Variants in DCDC2 observed in about 807,000 individuals in gnomAD.
DCDC2 encodes the protein doublecortin domain-containing protein 2.
DCDC2 carries 40 observed loss-of-function variants against 50.2 expected under a neutral mutation model. The observed-to-expected ratio is 0.80, with a 90% CI of 0.62 to 1.04. The LOEUF (loss-of-function observed/expected upper bound fraction) is 1.04, where lower values mean the gene tolerates loss of function less well. Ranked by LOEUF, DCDC2 falls within the 50% of genes least tolerant of loss-of-function variation. The pLI, the probability that DCDC2 is intolerant of heterozygous loss-of-function variation, is 0.00. For missense variants in DCDC2, 570 were observed against 581.9 expected, an observed-to-expected ratio of 0.98 and a Z score of 0.21; for synonymous variants, 234 against 210.6, an observed-to-expected ratio of 1.11 and a Z score of -0.96.
In DCDC2 at chr6:24,174,631, A is replaced by G; in HGVS notation, c.*99T>C. On this transcript the variant is annotated 3_prime_UTR_variant, in exon 10 of 10. Coordinates refer to ENST00000378454, the MANE Select transcript of DCDC2 (RefSeq NM_016356.5). Reference sequence around the variant, plus strand: ...TAATTCGTAGGTAGTATTCGACCATAGTGTCACATTATATTCAGCAATAAC... The same window carrying G: ...TAATTCGTAGGTAGTATTCGACCATGGTGTCACATTATATTCAGCAATAAC... 3.9e-6 allele frequency: 3 copies of G among 767,840 alleles called. No homozygotes were observed. The highest frequency in any genetic ancestry group is 4.3e-6 in the Non-Finnish European group (2 of 468,350). 47.6% of individuals were successfully genotyped at this position (767,840 alleles called of 1,614,324 possible). A position where few individuals can be genotyped will look rare whatever the true frequency, so the allele number is the denominator to read the frequency against.
At position 24,173,021 on chromosome 6, in the gene DCDC2, A is replaced by ATAATAATAATAATAATAC. The variant is rs59837095; in HGVS notation, c.*1708_*1709insGTATTATTATTATTATTA. Reference sequence around the variant, plus strand: ...AATAATAATAATAATAATAATAATAAAGATCAATTGGTCTATTTGCCTACC... The same window carrying ATAATAATAATAATAATAC: ...AATAATAATAATAATAATAATAATAATAATAATAATAATAATACAGATCAATTGGTCTATTTGCCTACC... On this transcript the variant is annotated 3_prime_UTR_variant, in exon 10 of 10. Coordinates refer to ENST00000378454, the MANE Select transcript of DCDC2 (RefSeq NM_016356.5). 37 of 150,556 alleles carry ATAATAATAATAATAATAC rather than the reference A, an allele frequency of 2.5e-4. No individual in the cohort carries two copies. The highest frequency in any genetic ancestry group is 4.3e-4 in the Non-Finnish European group (29 of 67,678). 9.3% of individuals were successfully genotyped at this position (150,556 alleles called of 1,614,324 possible). A position where few individuals can be genotyped will look rare whatever the true frequency, so the allele number is the denominator to read the frequency against.
At chr6:24,274,151 AG>A (rs1763298548) in intron 7 of DCDC2, among the ~76,000 whole-genome samples, 1 of 152,224 alleles carries the variant, frequency 6.6e-6, no homozygotes, top group African/African-American at 2.4e-5. Flanking sequence ...CAAAGAGACC[AG>A]GCCATTTTCT....
At chr6:24,184,078 C>T (rs1350469473) in intron 8 of DCDC2, among the ~76,000 whole-genome samples, 3 of 152,174 alleles carry the variant, frequency 2.0e-5, no homozygotes, top group Non-Finnish European at 4.4e-5. Flanking sequence ...TGAGAAATCG[C>T]ATCACACTTC....
intron 2 of DCDC2, among the ~76,000 whole-genome samples, chr6:24,334,259 T>C (rs143406491): frequency 4.9e-4 from 74 of 152,358 alleles, no homozygotes; most frequent in Non-Finnish European, 1.0e-3. Flanking sequence ...ATCATGGGTA[T>C]ACTTACTGGA....
chr6:24,267,539 C>G (rs1248417801), intron 7 of DCDC2, among the ~76,000 whole-genome samples: 1 of 152,076 alleles, frequency 6.6e-6, no homozygotes. Context: ...CTTGCTGGGT[C>G]TCAAAAAATA....
At chr6:24,298,978 T>G (rs1759317441) in intron 4 of DCDC2, among the ~76,000 whole-genome samples, 1 of 152,178 alleles carries the variant, frequency 6.6e-6, no homozygotes, top group South Asian at 2.1e-4. Context: ...AGAAATGACC[T>G]AAATATCCAT....
intron 7 of DCDC2, among the ~76,000 whole-genome samples, chr6:24,275,463 T>C (rs1717409662): frequency 6.6e-6 from 1 of 152,222 alleles, no homozygotes; most frequent in African/African-American, 2.4e-5. Context: ...AGATTCATTT[T>C]CCAGGTTATA....
rs200093480 is a variant in DCDC2 at position 24,326,213 on chromosome 6, T to TGAAG, written c.349-24173_349-24170dup. Among the ~76,000 whole-genome samples the TGAAG allele has an allele frequency of 3.6e-4, 50 of 139,094 alleles. 3 individuals carry two copies. Among genetic ancestry groups the TGAAG allele is most frequent in the South Asian group, 1.8e-3 (7 of 3,970 alleles). 91.3% of individuals were successfully genotyped at this position (139,094 alleles called of 152,430 possible). On this transcript the variant is annotated intron_variant, in intron 2 of 9. Coordinates refer to ENST00000378454, the MANE Select transcript of DCDC2 (RefSeq NM_016356.5). Reference sequence around the variant, plus strand: ...AGGAAGAAAGGAAGGAAGGAAAGAATGAAGGAAGGAAGGAAGGAAGGGAGG... The same window carrying TGAAG: ...AGGAAGAAAGGAAGGAAGGAAAGAATGAAGGAAGGAAGGAAGGAAGGAAGGGAGG...
At chr6:24,230,002 C>G (rs1762306567) in intron 7 of DCDC2, among the ~76,000 whole-genome samples, 1 of 152,186 alleles carries the variant, frequency 6.6e-6, no homozygotes, top group African/African-American at 2.4e-5. Context: ...ACAAAATGTC[C>G]AGAAATCCTC....
chr6:24,239,293 A>T (rs1260779237), intron 7 of DCDC2, among the ~76,000 whole-genome samples: 2 of 152,138 alleles, frequency 1.3e-5, no homozygotes, highest in Non-Finnish European at 2.9e-5. Context: ...GAAGGACAGG[A>T]TACCGTCCTT....
upstream of DCDC2, chr6:24,358,200 C>T: frequency 2.8e-6 from 1 of 351,916 alleles, no homozygotes; most frequent in Non-Finnish European, 5.4e-6. Context: ...CCTTTCCAAA[C>T]AGCCTAATTT....
At chr6:24,281,797 C>A (rs1258650722) in intron 6 of DCDC2, among the ~76,000 whole-genome samples, 1 of 152,010 alleles carries the variant, frequency 6.6e-6, no homozygotes, top group African/African-American at 2.4e-5. Context: ...ACAGCTATCC[C>A]AGAAATAAAA....
the DCDC2 span, among the ~76,000 whole-genome samples, chr6:24,382,259 G>A: frequency 1.3e-5 from 2 of 151,776 alleles, no homozygotes; most frequent in African/African-American, 4.8e-5. Context: ...TACAGACTCC[G>A]GCAAATACCT....
rs1364131817 is a variant in DCDC2, at chr6:24,178,329, C to G, written c.1326+1G>C. The G allele has an allele frequency of 3.1e-6, 5 of 1,612,050 alleles. No individual in the cohort carries two copies. In the East Asian group the frequency reaches 8.9e-5, roughly 29 times the overall value. ...TAAGCAAGCAAAAGCAATAGAAATA[C>G]CTCATCTTGTCCACTGCCAGCTCCT... On this transcript the variant is annotated splice_donor_variant, in intron 9 of 9. Coordinates refer to ENST00000378454, the MANE Select transcript of DCDC2 (RefSeq NM_016356.5). LOFTEE classifies it high-confidence loss of function.
At chr6:24,260,777 G>A (rs1307510840) in intron 7 of DCDC2, among the ~76,000 whole-genome samples, 1 of 152,182 alleles carries the variant, frequency 6.6e-6, no homozygotes, top group African/African-American at 2.4e-5. Context: ...CAACCATGCT[G>A]GGATAAAAAG....
intron 8 of DCDC2, among the ~76,000 whole-genome samples, chr6:24,188,228 G>A (rs748543223): frequency 3.3e-5 from 5 of 152,144 alleles, no homozygotes; most frequent in Non-Finnish European, 5.9e-5. Flanking sequence ...GTGCACAGTA[G>A]GGCTGTAAAT....
At chr6:24,196,714 C>CT (rs1761452450) in intron 8 of DCDC2, among the ~76,000 whole-genome samples, 2 of 152,130 alleles carry the variant, frequency 1.3e-5, no homozygotes, top group South Asian at 4.1e-4. Context: ...CATGAGCTAC[C>CT]ACACCCAGCT....
At chr6:24,225,842 T>G (rs1049281537) in intron 7 of DCDC2, among the ~76,000 whole-genome samples, 10 of 152,230 alleles carry the variant, frequency 6.6e-5, no homozygotes, top group South Asian at 2.1e-4. Flanking sequence ...GCAACTGATT[T>G]ATTTTAAAAA....
intron 7 of DCDC2, among the ~76,000 whole-genome samples, chr6:24,228,547 C>A (rs1038404042): frequency 3.0e-4 from 45 of 152,060 alleles, no homozygotes; most frequent in Non-Finnish European, 8.8e-5. Context: ...TTTTCTAATG[C>A]ATTTTTGGTA....
Sources: gnomAD v4.1 joint callset for allele counts (sites outside exome capture counted in the v4.1 genomes callset) on GRCh38, gnomAD v4.1.1 for gene constraint, MANE v1.5 for transcripts, NCBI Gene and HGNC (gene_info 2026-07-23, HGNC 2026-07-21) for gene names.